Variants in SLC35F4 observed in about 807,000 individuals in gnomAD.
SLC35F4 encodes solute carrier family 35 member F4.
SLC35F4 carries 24 observed loss-of-function variants against 44.2 expected under a neutral mutation model. The ratio of observed to expected loss-of-function variants is 0.54; its 90% CI spans 0.39 to 0.76. SLC35F4 has a LOEUF of 0.76. Ranked by LOEUF, SLC35F4 falls within the 30% of genes least tolerant of loss-of-function variation. The probability of loss-of-function intolerance (pLI) is 0.00; values close to 1 mark genes in which losing one functional copy is unlikely to be tolerated. For missense variants in SLC35F4, 562 were observed against 586.1 expected (o/e 0.96, Z 0.42); for synonymous variants, 238 against 223.6 (o/e 1.06, Z -0.57).
At position 57,582,281 on chromosome 14, in the gene SLC35F4, C is replaced by T. The variant is rs146065279; in HGVS notation, c.588-848G>A. 1.3e-3 allele frequency among the ~76,000 whole-genome samples: 203 copies of T among 152,200 alleles called. 1 individual carries two copies. The Middle Eastern group carries it at 0.02, about 15-fold the overall frequency. On this transcript the variant is annotated intron_variant, in intron 3 of 7. Coordinates refer to ENST00000556826, the MANE Select transcript of SLC35F4 (RefSeq NM_001306087.2). The stretch of plus-strand genomic sequence containing the variant: ...CATGATCTTGGCTCACTGCAACCTC[C>T]GCCTCCCAGACTCGAGCCATCCTCA...
At chr14:57,588,331 T>G (rs2069923667) in intron 3 of SLC35F4, among the ~76,000 whole-genome samples, 1 of 151,718 alleles carries the variant, frequency 6.6e-6, no homozygotes, top group Admixed American at 6.6e-5. Context: ...GAACTCTTCT[T>G]CCATCTGCCA....
chr14:57,810,131 C>T (rs1438574016), intron 1 of SLC35F4, among the ~76,000 whole-genome samples: 1 of 152,246 alleles, frequency 6.6e-6, no homozygotes, highest in Middle Eastern at 3.4e-3. Flanking sequence ...GAGACTTCTC[C>T]CTGTCACATG....
At chr14:57,914,643 A>C (rs1013842408) in intron 1 of SLC35F4, among the ~76,000 whole-genome samples, 1 of 152,194 alleles carries the variant, frequency 6.6e-6, no homozygotes, top group Non-Finnish European at 1.5e-5. Context: ...TCAGGAAGGA[A>C]TCTCTTTTTA....
intron 1 of SLC35F4, among the ~76,000 whole-genome samples, chr14:57,729,404 GGTATTGCTGTTA>G (rs2076291618): frequency 6.6e-6 from 1 of 152,152 alleles, no homozygotes; most frequent in South Asian, 2.1e-4. Context: ...ATACTCCTCG[GGTATTGCTGTTA>G]GCTATTCAGG....
chr14:57,877,199 CTTCT>C (rs1227533577), intron 1 of SLC35F4, among the ~76,000 whole-genome samples: 26 of 152,156 alleles, frequency 1.7e-4, no homozygotes, highest in African/African-American at 6.3e-4. Flanking sequence ...CTATTGTTCT[CTTCT>C]TTGTGTCCAT....
At chr14:57,744,838 C>T (rs1290810692) in intron 1 of SLC35F4, among the ~76,000 whole-genome samples, 1 of 152,188 alleles carries the variant, frequency 6.6e-6, no homozygotes, top group African/African-American at 2.4e-5. Flanking sequence ...TGACTTCAAA[C>T]TATACTACAA....
rs1005872409 is a variant in SLC35F4, at chr14:57,710,673, G to T, written c.104-116549C>A. 9.2e-5 allele frequency among the ~76,000 whole-genome samples: 14 copies of T among 152,284 alleles called. 2 individuals carry two copies. The highest frequency in any genetic ancestry group is 7.2e-5 in the African/African-American group (3 of 41,572). On this transcript the variant is annotated intron_variant, in intron 1 of 7. Coordinates refer to ENST00000556826, the MANE Select transcript of SLC35F4 (RefSeq NM_001306087.2). Reference sequence around the variant, plus strand: ...CGACCTCTTGCACCAGTATGACCTGGATGTGACATGGAATCAAAGGAGATC... The same window carrying T: ...CGACCTCTTGCACCAGTATGACCTGTATGTGACATGGAATCAAAGGAGATC...
At chr14:57,890,943 G>C (rs934370648) in intron 1 of SLC35F4, among the ~76,000 whole-genome samples, 5 of 152,110 alleles carry the variant, frequency 3.3e-5, no homozygotes, top group Non-Finnish European at 5.9e-5. Context: ...ATAGTTTTAG[G>C]CTAGATGCAG....
chr14:57,959,385 A>G (rs1188960372), intron 1 of SLC35F4, among the ~76,000 whole-genome samples: 2 of 152,232 alleles, frequency 1.3e-5, no homozygotes, highest in East Asian at 1.9e-4. Flanking sequence ...GTACATGTGT[A>G]TCTGAAATGT....
intron 1 of SLC35F4, among the ~76,000 whole-genome samples, chr14:57,604,895 G>T (rs1375024641): frequency 6.6e-6 from 1 of 152,102 alleles, no homozygotes; most frequent in Non-Finnish European, 1.5e-5. Context: ...AGAATAACTG[G>T]CTATCCATAT....
At chr14:57,922,581 GCA>G (rs1042959484) in intron 1 of SLC35F4, among the ~76,000 whole-genome samples, 3 of 152,198 alleles carry the variant, frequency 2.0e-5, no homozygotes, top group African/African-American at 4.8e-5. Flanking sequence ...TATAACTTTT[GCA>G]CAGATTCAGG....
intron 1 of SLC35F4, among the ~76,000 whole-genome samples, chr14:57,894,229 T>C (rs1888828554): frequency 6.6e-6 from 1 of 152,148 alleles, no homozygotes; most frequent in African/African-American, 2.4e-5. Flanking sequence ...GCAAGCACTA[T>C]ATGAAATTGA....
intron 1 of SLC35F4, among the ~76,000 whole-genome samples, chr14:57,771,725 T>C (rs1289788817): frequency 6.6e-6 from 1 of 152,140 alleles, no homozygotes; most frequent in East Asian, 1.9e-4. Flanking sequence ...TCCTGAGTAG[T>C]TGGGACTACA....
chr14:57,950,187 C>G (rs1890108688), intron 1 of SLC35F4, among the ~76,000 whole-genome samples: 1 of 151,874 alleles, frequency 6.6e-6, no homozygotes, highest in Admixed American at 6.6e-5. Context: ...GGTCATTTAA[C>G]ATAATCCCAA....
At chr14:57,593,057 A>G (rs971375598) in intron 2 of SLC35F4, among the ~76,000 whole-genome samples, 1 of 152,224 alleles carries the variant, frequency 6.6e-6, no homozygotes, top group African/African-American at 2.4e-5. Context: ...TAGAAAGACA[A>G]TCATACCACA....
In SLC35F4 at chr14:57,801,182, TA is replaced by T. The variant is rs371404493; in HGVS notation, c.103+64540del. ...ACAGTGAACCTCTCAGCCAAAACTC[TA>T]CAAGCCAGAAGAGATTGGGGACCAA... On this transcript the variant is annotated intron_variant, in intron 1 of 7. Coordinates refer to ENST00000556826, the MANE Select transcript of SLC35F4 (RefSeq NM_001306087.2). Among the ~76,000 whole-genome samples the T allele has an allele frequency of 5.8e-4, 89 of 152,260 alleles. 1 individual carries two copies. The East Asian group carries it at 0.012, about 20-fold the overall frequency.
intron 1 of SLC35F4, among the ~76,000 whole-genome samples, chr14:57,941,164 CAT>C (rs1284158056): frequency 6.6e-6 from 1 of 152,130 alleles, no homozygotes; most frequent in African/African-American, 2.4e-5. Flanking sequence ...AGAATTATCA[CAT>C]GACTCACAAT....
intron 1 of SLC35F4, among the ~76,000 whole-genome samples, chr14:57,816,960 C>T (rs146963154): frequency 1.3e-5 from 2 of 152,292 alleles, no homozygotes; most frequent in East Asian, 3.9e-4. Flanking sequence ...TTAACTACCT[C>T]CTAAGTGCAA....
At position 57,865,946 on chromosome 14, in the gene SLC35F4, G is replaced by T; in HGVS notation, c.-121C>A. On this transcript the variant is annotated 5_prime_UTR_variant, in exon 1 of 8. Transcript: ENST00000556826. The stretch of plus-strand genomic sequence containing the variant: ...CTTGCAGCTCCTGCTCCCGCGCCCG[G>T]GCTCTGACTCCACCGCCCGGCGCAG... 1.7e-6 allele frequency: 1 copy of T among 573,964 alleles called. No individual in the cohort carries two copies. 35.6% of individuals were successfully genotyped at this position (573,964 alleles called of 1,614,324 possible).
Sources: gnomAD v4.1 joint callset for allele counts (sites outside exome capture counted in the v4.1 genomes callset) on GRCh38, gnomAD v4.1.1 for gene constraint, MANE v1.5 for transcripts, NCBI Gene and HGNC (gene_info 2026-07-23, HGNC 2026-07-21) for gene names.